Variants in PCDHGA2 observed in about 807,000 individuals in gnomAD.
PCDHGA2 encodes protocadherin gamma subfamily A, 2, also known as protocadherin gamma-A2.
A neutral mutation model predicts 59.2 loss-of-function variants in PCDHGA2; 40 were observed. That is an observed-to-expected ratio of 0.68 (90% CI 0.52 to 0.88). PCDHGA2 has a LOEUF of 0.88. Among genes scored for constraint, PCDHGA2 ranks in the 40% least tolerant of loss-of-function variants. The probability of loss-of-function intolerance (pLI) is 0.00; values close to 1 mark genes in which losing one functional copy is unlikely to be tolerated. For synonymous variants in PCDHGA2, 560 were observed against 526.0 expected, an observed-to-expected ratio of 1.06 and a Z score of -0.89; for missense variants, 1,226 against 1,204.0, an observed-to-expected ratio of 1.02 and a Z score of -0.27.
At chr5:141,374,010 T>A in intron 1 of PCDHGA2, 1 of 1,364,772 alleles carries the variant, frequency 7.3e-7, no homozygotes, top group Non-Finnish European at 9.6e-7. Flanking sequence ...CACCGCTATT[T>A]CTGAGAAGAG....
Position 141,392,866 on chromosome 5 carries a change from C to T in PCDHGA2, c.2424+51471C>T, listed in dbSNP as rs1000509941. The stretch of plus-strand genomic sequence containing the variant: ...CGCGGCGAGCTGATCCTGCTGTGCG[C>T]GCTGCTGGGAACGCTGTGGGAAATC... On this transcript the variant is annotated intron_variant, in intron 1 of 3. Transcript: ENST00000394576. 7 of 1,612,962 alleles carry T rather than the reference C, an allele frequency of 4.3e-6. No individual in the cohort carries two copies. The highest frequency in any genetic ancestry group is 3.3e-4 in the Middle Eastern group (2 of 6,060).
chr5:141,350,396 G>T, intron 1 of PCDHGA2: 1 of 1,599,342 alleles, frequency 6.3e-7, no homozygotes, highest in African/African-American at 1.3e-5. Context: ...CTCACGGGTG[G>T]GGAAACTTGC....
intron 1 of PCDHGA2, chr5:141,365,767 C>T (rs775369116): frequency 2.5e-6 from 4 of 1,613,718 alleles, no homozygotes; most frequent in Non-Finnish European, 2.5e-6. Flanking sequence ...CCCATGACCC[C>T]GACAGCGGCG....
At chr5:141,501,871 C>T (rs562714939) in intron 2 of PCDHGA2, among the ~76,000 whole-genome samples, 3 of 152,244 alleles carry the variant, frequency 2.0e-5, no homozygotes, top group African/African-American at 7.2e-5. Context: ...CAGGACGCCT[C>T]CTTACACTCC....
intron 1 of PCDHGA2, chr5:141,371,939 C>T (rs1561553418): frequency 6.2e-7 from 1 of 1,613,300 alleles, no homozygotes; most frequent in South Asian, 1.1e-5. Context: ...GGGTGGTGTT[C>T]GCGCAGCGAG....
Position 141,371,971 on chromosome 5 carries a change from G to A in PCDHGA2, c.2424+30576G>A, listed in dbSNP as rs372239619. On this transcript the variant is annotated intron_variant, in intron 1 of 3. Transcript: ENST00000394576. ...CGAGCCTTCGACCACGAGCAGCTGC[G>A]TGCCTTCGAGCTCACTCTGCAGGCC... 12 of 1,612,438 alleles carry A rather than the reference G, an allele frequency of 7.4e-6. No homozygotes were observed. Among genetic ancestry groups the A allele is most frequent in the African/African-American group, 6.7e-5 (5 of 75,070 alleles).
At chr5:141,467,649 T>C (rs2099147987) in intron 1 of PCDHGA2, among the ~76,000 whole-genome samples, 1 of 152,146 alleles carries the variant, frequency 6.6e-6, no homozygotes, top group Non-Finnish European at 1.5e-5. Flanking sequence ...TGTACCAAAC[T>C]TCTATAGTGC....
chr5:141,389,146 C>T (rs567517174), intron 1 of PCDHGA2: 17 of 1,613,996 alleles, frequency 1.1e-5, no homozygotes, highest in East Asian at 2.2e-5. Context: ...ATAACCGTTA[C>T]GGCAACAGAT....
At chr5:141,409,640 G>A (rs1045286800) in intron 1 of PCDHGA2, 2 of 1,613,780 alleles carry the variant, frequency 1.2e-6, no homozygotes, top group African/African-American at 1.3e-5. Context: ...CTCTGACCCG[G>A]ATTTGGGGCT....
chr5:141,425,500 T>C (rs2096879850), intron 1 of PCDHGA2, among the ~76,000 whole-genome samples: 1 of 152,246 alleles, frequency 6.6e-6, no homozygotes, highest in South Asian at 2.1e-4. Context: ...GCTATACCTT[T>C]ATATTCTCTT....
intron 1 of PCDHGA2, among the ~76,000 whole-genome samples, chr5:141,369,423 T>C (rs1766238907): frequency 6.6e-6 from 1 of 152,130 alleles, no homozygotes; most frequent in African/African-American, 2.4e-5. Context: ...TCCCAGCAAT[T>C]TGGGACGCTG....
At chr5:141,422,907 G>A in intron 1 of PCDHGA2, 1 of 1,614,196 alleles carries the variant, frequency 6.2e-7, no homozygotes, top group Non-Finnish European at 8.5e-7. Context: ...ACGACAATGC[G>A]CCCGAGATCC....
chr5:141,357,655 G>A lies in PCDHGA2; in HGVS notation c.2424+16260G>A, dbSNP rs369881660. The A allele has an allele frequency of 1.8e-5, 29 of 1,606,982 alleles. 1 individual carries two copies. Among genetic ancestry groups the A allele is most frequent in the South Asian group, 8.9e-5 (8 of 90,294 alleles). On this transcript the variant is annotated intron_variant, in intron 1 of 3. Coordinates refer to ENST00000394576, the MANE Select transcript of PCDHGA2 (RefSeq NM_018915.4). ...ATCTTATAATAGATCATACCACACTGAAATATAGACAAAGAGTTGTGTAAA... is the reference window on the plus strand; with the variant it reads ...ATCTTATAATAGATCATACCACACTAAAATATAGACAAAGAGTTGTGTAAA...
chr5:141,414,938 C>G (rs1407853248), intron 1 of PCDHGA2: 1 of 1,614,116 alleles, frequency 6.2e-7, no homozygotes, highest in Admixed American at 1.7e-5. Flanking sequence ...TCCGCAGAGC[C>G]CGGCTACCTG....
chr5:141,381,826 C>CTTTTTTTTTTTTTTTTTTTTTTT (rs770630741), intron 1 of PCDHGA2, among the ~76,000 whole-genome samples: 5 of 74,282 alleles, frequency 6.7e-5, no homozygotes, highest in Non-Finnish European at 1.2e-4. Context: ...CTTTCTTCTT[C>CTTTTTTTTTTTTTTTTTTTTTTT]TTTTTTTTTT....
In PCDHGA2 at chr5:141,339,680, G is replaced by A. The variant is rs748377726; in HGVS notation, c.709G>A (p.Asp237Asn). Residue 237 changes from aspartate to asparagine, a missense_variant, in exon 1 of 4, where the codon GAC (aspartate) becomes AAC (asparagine). By Grantham distance (23) the Asp-to-Asn change is conservative. Transcript: ENST00000394576. ...CTGCGTGAAGGTCCTGGATGCGAAC[G>A]ACAATGCGCCTGTTTTTACACAGCC... ...RICVKVLDAN[D>N]NAPVFTQPEY... 28 of 1,614,040 alleles carry A rather than the reference G, an allele frequency of 1.7e-5. No homozygotes were observed. The highest frequency in any genetic ancestry group is 2.4e-5 in the Non-Finnish European group (28 of 1,180,042).
chr5:141,471,972 T>C (rs952480654), intron 1 of PCDHGA2, among the ~76,000 whole-genome samples: 1 of 152,212 alleles, frequency 6.6e-6, no homozygotes, highest in South Asian at 2.1e-4. Context: ...GTTGCATTAC[T>C]GTATAAATTT....
intron 1 of PCDHGA2, chr5:141,391,730 G>T (rs1334378138): frequency 1.3e-5 from 2 of 152,140 alleles, no homozygotes; most frequent in African/African-American, 4.8e-5. Flanking sequence ...AGACTTTTTT[G>T]TAGTCATACT....
chr5:141,409,405 C>G, intron 1 of PCDHGA2: 1 of 1,614,050 alleles, frequency 6.2e-7, no homozygotes, highest in Non-Finnish European at 8.5e-7. Flanking sequence ...CCAATAACTA[C>G]TACAAACTGG....
Sources: allele counts gnomAD v4.1 joint callset (sites outside exome capture counted in the v4.1 genomes callset), GRCh38; gene constraint gnomAD v4.1.1; transcripts MANE v1.5; gene names NCBI Gene and HGNC (gene_info 2026-07-23, HGNC 2026-07-21).